Variants in SLC22A16 observed in about 807,000 individuals in gnomAD.
The protein encoded by SLC22A16 is solute carrier family 22 member 16.
In SLC22A16, 53 loss-of-function variants were observed where a neutral mutation model predicts 52.9. That is an observed-to-expected ratio of 1.00 (90% CI 0.80 to 1.26). SLC22A16 has a LOEUF of 1.26. Ranked by LOEUF, SLC22A16 falls within the 50% of genes most tolerant of loss-of-function variation. The probability of loss-of-function intolerance (pLI) is 0.00; values close to 1 mark genes in which losing one functional copy is unlikely to be tolerated. For synonymous variants in SLC22A16, 291 were observed against 268.8 expected (o/e 1.08, Z -0.81); for missense variants, 726 against 704.0 (o/e 1.03, Z -0.35).
Position 110,456,663 on chromosome 6 carries a change from C to A in SLC22A16, c.408G>T (p.Trp136Cys), listed in dbSNP as rs766263031. 2 of 1,614,188 alleles carry A rather than the reference C, an allele frequency of 1.2e-6. No homozygotes were observed. The highest frequency in any genetic ancestry group is 3.3e-5 in the Admixed American group (2 of 60,014). ...VDGYIYDQNT[W>C]KSTAVTQWNL... The stretch of plus-strand genomic sequence containing the variant: ...TCCACTGGGTCACCGCAGTGCTTTT[C>A]CATGTGTTCTGGTCATATATGTAGC... The change falls in exon 2 of 8, where the codon TGG (tryptophan) becomes TGT (cysteine). Residue 136 changes from tryptophan to cysteine, a missense_variant. Physicochemically the swap from Trp to Cys is radical, Grantham distance 215. Coordinates refer to ENST00000368919, the MANE Select transcript of SLC22A16 (RefSeq NM_033125.4).
At chr6:110,460,248 A>G (rs1172609498) in intron 1 of SLC22A16, among the ~76,000 whole-genome samples, 1 of 152,182 alleles carries the variant, frequency 6.6e-6, no homozygotes, top group East Asian at 1.9e-4. Flanking sequence ...TTTTGGTCTC[A>G]AGAGCCTCTA....
intron 7 of SLC22A16, among the ~76,000 whole-genome samples, chr6:110,429,966 G>C (rs1322436643): frequency 6.6e-6 from 1 of 152,002 alleles, no homozygotes; most frequent in Non-Finnish European, 1.5e-5. Context: ...TGGAGAGGAG[G>C]GGAAGCTGCA....
At chr6:110,431,307 A>G in intron 6 of SLC22A16, 37 bp from the exon 7 acceptor site, 1 of 1,575,344 alleles carries the variant, frequency 6.3e-7, no homozygotes, top group Non-Finnish European at 8.7e-7. Context: ...CAAGTAAGGC[A>G]CAAGTGACCC....
intron 2 of SLC22A16, among the ~76,000 whole-genome samples, chr6:110,448,325 G>T (rs1157676783): frequency 6.6e-6 from 1 of 152,096 alleles, no homozygotes; most frequent in Non-Finnish European, 1.5e-5. Flanking sequence ...CAAATTCTTT[G>T]CCCATTTTTG....
rs2905293 is a variant in SLC22A16 at position 110,473,220 on chromosome 6, C to T, written c.53+3302G>A. ...GCCAGAAAAACTCTATATACTGAAA[C>T]AAAACAAAACAAAACCCTACCTCTA... On this transcript the variant is annotated intron_variant, in intron 1 of 7. Transcript: ENST00000368919. 2.6e-5 allele frequency among the ~76,000 whole-genome samples: 4 copies of T among 152,048 alleles called. No individual in the cohort carries two copies. In the South Asian group the frequency reaches 6.2e-4, roughly 24 times the overall value.
chr6:110,449,263 C>T (rs1359352200), intron 2 of SLC22A16, among the ~76,000 whole-genome samples: 1 of 151,900 alleles, frequency 6.6e-6, no homozygotes, highest in East Asian at 1.9e-4. Flanking sequence ...ATCCCTCTCA[C>T]CTGGTTCTGC....
intron 2 of SLC22A16, chr6:110,455,824 T>G (rs891349747): frequency 1.3e-5 from 2 of 152,138 alleles, no homozygotes; most frequent in East Asian, 1.9e-4. Flanking sequence ...AAGGGAGCAC[T>G]CTCCTGCCCT....
At chr6:110,441,030 T>C (rs549837237) in intron 4 of SLC22A16, among the ~76,000 whole-genome samples, 6 of 152,332 alleles carry the variant, frequency 3.9e-5, no homozygotes, top group East Asian at 1.9e-4. Context: ...GGTGAAATCA[T>C]TGATGCTTTA....
At chr6:110,438,977 T>A (rs975652272) in intron 4 of SLC22A16, 130 bp from the exon 5 acceptor site, 41 of 1,163,124 alleles carry the variant, frequency 3.5e-5, no homozygotes, top group Non-Finnish European at 4.7e-5. Flanking sequence ...AGAAACTCTC[T>A]AAGAATTGCT....
At chr6:110,428,508 C>T (rs563030171) in intron 7 of SLC22A16, among the ~76,000 whole-genome samples, 58 of 152,304 alleles carry the variant, frequency 3.8e-4, no homozygotes, top group African/African-American at 5.5e-4. Flanking sequence ...CTTTAAGGCG[C>T]GTGACCCTGG....
chr6:110,476,081 A>C (rs1032881747), intron 1 of SLC22A16: 17 of 448,762 alleles, frequency 3.8e-5, no homozygotes, highest in Admixed American at 7.4e-5. Context: ...TGCCAGGCAC[A>C]GAGGGAGGCC....
At chr6:110,444,647 G>T (rs1328632651) in intron 3 of SLC22A16, among the ~76,000 whole-genome samples, 2 of 152,150 alleles carry the variant, frequency 1.3e-5, no homozygotes, top group Non-Finnish European at 2.9e-5. Context: ...CGGCCTACAA[G>T]GATATTCCTG....
chr6:110,449,333 A>T (rs1775288293), intron 2 of SLC22A16, among the ~76,000 whole-genome samples: 1 of 151,886 alleles, frequency 6.6e-6, no homozygotes, highest in African/African-American at 2.4e-5. Flanking sequence ...CCTCTGCTGC[A>T]CACTCTGCCC....
intron 2 of SLC22A16, among the ~76,000 whole-genome samples, chr6:110,450,127 C>G (rs574538923): frequency 2.0e-4 from 30 of 152,096 alleles, no homozygotes; most frequent in Middle Eastern, 3.4e-3. Flanking sequence ...AATCCCAGCT[C>G]CATCCCTTAT....
At chr6:110,468,829 G>A (rs774430924) in intron 1 of SLC22A16, among the ~76,000 whole-genome samples, 14 of 152,090 alleles carry the variant, frequency 9.2e-5, no homozygotes, top group Non-Finnish European at 1.8e-4. Flanking sequence ...GAGTGGTGCT[G>A]ACCCTCACAC....
In SLC22A16 at chr6:110,438,852, C is replaced by T; in HGVS notation, c.1184-5G>A. The stretch of plus-strand genomic sequence containing the variant: ...AGGCGGGAATTTCCACTACACCTGT[C>T]ATTGAGCAAGCAGCCCTCTATAAGT... On this transcript the variant is annotated splice_region_variant and splice_polypyrimidine_tract_variant and intron_variant, in intron 4 of 7. Coordinates refer to ENST00000368919, the MANE Select transcript of SLC22A16 (RefSeq NM_033125.4). 1 of 1,613,730 alleles carries T rather than the reference C, an allele frequency of 6.2e-7. No homozygotes were observed. Among genetic ancestry groups the T allele is most frequent in the African/African-American group, 1.3e-5 (1 of 75,036 alleles).
chr6:110,468,437 G>T (rs1285911007), intron 1 of SLC22A16, among the ~76,000 whole-genome samples: 1 of 152,114 alleles, frequency 6.6e-6, no homozygotes, highest in African/African-American at 2.4e-5. Flanking sequence ...CTGAGGTTGG[G>T]AGTTCAAGAC....
chr6:110,446,957 G>A lies in SLC22A16; in HGVS notation c.567C>T (p.Ser189=). 3 of 1,613,900 alleles carry A rather than the reference G, an allele frequency of 1.9e-6. No homozygotes were observed. Among genetic ancestry groups the A allele is most frequent in the Non-Finnish European group, 2.5e-6 (3 of 1,179,904 alleles). ...LGRRVVLWAT[S]SSMFLFGIAA... Reference sequence around the variant, plus strand: ...CTATTCCAAACAAAAACATGCTACTGCTTGTGGCCCACAAGACCACCCGGC... The same window carrying A: ...CTATTCCAAACAAAAACATGCTACTACTTGTGGCCCACAAGACCACCCGGC... The change falls in exon 3 of 8, where the codon AGC becomes AGT. Residue 189 remains serine (S), a synonymous_variant. Coordinates refer to ENST00000368919, the MANE Select transcript of SLC22A16 (RefSeq NM_033125.4).
Position 110,464,487 on chromosome 6 carries a change from C to G in SLC22A16, c.54-7470G>C, listed in dbSNP as rs181320372. Reference sequence around the variant, plus strand: ...AACATTACAACTGATAACACAGAAACACAAAGGATCATCAGAGACTACTAT... The same window carrying G: ...AACATTACAACTGATAACACAGAAAGACAAAGGATCATCAGAGACTACTAT... On this transcript the variant is annotated intron_variant, in intron 1 of 7. Transcript: ENST00000368919. Among the ~76,000 whole-genome samples the G allele has an allele frequency of 2.9e-3, 436 of 151,996 alleles. 2 individuals carry two copies. The highest frequency in any genetic ancestry group is 9.8e-3 in the African/African-American group (405 of 41,508).
Sources: gnomAD v4.1 joint callset for allele counts (sites outside exome capture counted in the v4.1 genomes callset) on GRCh38, gnomAD v4.1.1 for gene constraint, MANE v1.5 for transcripts, NCBI Gene and HGNC (gene_info 2026-07-23, HGNC 2026-07-21) for gene names.